The following CAMK4 variants were observed in gnomAD, a reference collection of about 807,000 sequenced individuals.
CAMK4 encodes calcium/calmodulin dependent protein kinase IV.
A neutral mutation model predicts 44.9 loss-of-function variants in CAMK4; 22 were observed. The observed-to-expected ratio is 0.49, with a 90% CI of 0.35 to 0.70. The LOEUF is 0.70. Ranked by LOEUF, CAMK4 falls within the 30% of genes least tolerant of loss-of-function variation. The probability of loss-of-function intolerance (pLI) is 0.01; values close to 1 mark genes in which losing one functional copy is unlikely to be tolerated. For missense variants in CAMK4, 498 were observed against 586.8 expected, an observed-to-expected ratio of 0.85 and a Z score of 1.56; for synonymous variants, 218 against 215.4, an observed-to-expected ratio of 1.01 and a Z score of -0.11.
At chr5:111,432,701 A>G (rs901233108) in intron 5 of CAMK4, among the ~76,000 whole-genome samples, 13 of 148,386 alleles carry the variant, frequency 8.8e-5, no homozygotes, top group African/African-American at 3.2e-4. Context: ...TATTTAAGAA[A>G]CATTTATTAA....
intron 1 of CAMK4, among the ~76,000 whole-genome samples, chr5:111,254,701 C>T (rs10478040): frequency 0.048 from 7,290 of 152,218 alleles, 200 homozygotes; most frequent in South Asian, 0.069. Flanking sequence ...CTCCCCCAGG[C>T]GAAGGAGTTG....
chr5:111,335,000 A>G (rs888992663), intron 1 of CAMK4, among the ~76,000 whole-genome samples: 15 of 151,498 alleles, frequency 9.9e-5, no homozygotes, highest in African/African-American at 3.6e-4. Context: ...TAACCTCAGC[A>G]AAGACACTTT....
At chr5:111,403,845 T>C (rs1255881025) in intron 5 of CAMK4, among the ~76,000 whole-genome samples, 1 of 152,194 alleles carries the variant, frequency 6.6e-6, no homozygotes, top group Non-Finnish European at 1.5e-5. Context: ...TTTTACCGAA[T>C]TCTGCCTACA....
At chr5:111,404,178 T>G (rs1752334227) in intron 5 of CAMK4, among the ~76,000 whole-genome samples, 1 of 152,194 alleles carries the variant, frequency 6.6e-6, no homozygotes. Context: ...ATGAAGACAG[T>G]CTTAACATAT....
intron 1 of CAMK4, among the ~76,000 whole-genome samples, chr5:111,315,565 G>T (rs554722350): frequency 6.6e-6 from 1 of 152,026 alleles, no homozygotes; most frequent in African/African-American, 2.4e-5. Flanking sequence ...TAATCATCAC[G>T]ACAATCTTAG....
intron 7 of CAMK4, among the ~76,000 whole-genome samples, chr5:111,462,352 TTA>T (rs1428664325): frequency 1.3e-5 from 2 of 152,232 alleles, no homozygotes; most frequent in Non-Finnish European, 2.9e-5. Context: ...TGTTTTTGAT[TTA>T]TGTCTACATC....
At chr5:111,460,285 T>TG (rs1754599401) in intron 7 of CAMK4, among the ~76,000 whole-genome samples, 1 of 144,814 alleles carries the variant, frequency 6.9e-6, no homozygotes, top group Admixed American at 6.9e-5. Flanking sequence ...TTTTTTTTTT[T>TG]GAGGCAGAGT....
intron 5 of CAMK4, among the ~76,000 whole-genome samples, chr5:111,444,245 C>G (rs1240550882): frequency 6.6e-6 from 1 of 152,152 alleles, no homozygotes; most frequent in Non-Finnish European, 1.5e-5. Flanking sequence ...GATTTCGTAG[C>G]CTCTTTGTGC....
At position 111,402,403 on chromosome 5, in the gene CAMK4, G is replaced by C. The variant is rs58564606; in HGVS notation, c.459+7621G>C. 1.6e-3 allele frequency among the ~76,000 whole-genome samples: 250 copies of C among 152,330 alleles called. 2 individuals carry two copies. Among genetic ancestry groups the C allele is most frequent in the African/African-American group, 5.6e-3 (234 of 41,572 alleles). On this transcript the variant is annotated intron_variant, in intron 5 of 10. Coordinates refer to ENST00000282356, the MANE Select transcript of CAMK4 (RefSeq NM_001744.6). Reference sequence around the variant, plus strand: ...CATAGTCTACTAAAGTGCATGAAATGGTTCTAGAGTTCAGTGAAATCGAAA... The same window carrying C: ...CATAGTCTACTAAAGTGCATGAAATCGTTCTAGAGTTCAGTGAAATCGAAA...
chr5:111,464,589 T>G (rs1754758392), intron 7 of CAMK4, among the ~76,000 whole-genome samples: 1 of 152,166 alleles, frequency 6.6e-6, no homozygotes, highest in African/African-American at 2.4e-5. Context: ...ATGTATTCTA[T>G]GGAAGTGGGC....
intron 7 of CAMK4, among the ~76,000 whole-genome samples, chr5:111,464,544 C>T (rs1423595409): frequency 1.3e-5 from 2 of 152,070 alleles, no homozygotes; most frequent in Non-Finnish European, 2.9e-5. Context: ...ATAAGGTTAT[C>T]TAAAGTCAAG....
chr5:111,283,380 G>T (rs530237164), intron 1 of CAMK4, among the ~76,000 whole-genome samples: 1 of 152,318 alleles, frequency 6.6e-6, no homozygotes, highest in African/African-American at 2.4e-5. Context: ...TTCACAGTCA[G>T]AGTTAAATTC....
intron 7 of CAMK4, among the ~76,000 whole-genome samples, chr5:111,456,163 T>C (rs796320648): frequency 6.6e-5 from 10 of 152,036 alleles, no homozygotes; most frequent in African/African-American, 2.4e-4. Flanking sequence ...AATTACTACA[T>C]CTCTGCCACA....
intron 1 of CAMK4, among the ~76,000 whole-genome samples, chr5:111,241,905 G>C (rs1749009456): frequency 6.6e-6 from 1 of 152,190 alleles, no homozygotes; most frequent in Admixed American, 6.5e-5. Flanking sequence ...AGTCAGGTCT[G>C]TTTCATCTTG....
At chr5:111,411,895 G>T (rs1309651848) in intron 5 of CAMK4, among the ~76,000 whole-genome samples, 1 of 152,038 alleles carries the variant, frequency 6.6e-6, no homozygotes, top group Non-Finnish European at 1.5e-5. Context: ...ACATTAAAAG[G>T]GTATGGAAGA....
chr5:111,389,734 T>C (rs1751733734), intron 4 of CAMK4, among the ~76,000 whole-genome samples: 1 of 152,298 alleles, frequency 6.6e-6, no homozygotes, highest in South Asian at 2.1e-4. Flanking sequence ...GGAGATAATA[T>C]AAGGTTGCAA....
At chr5:111,444,196 C>T (rs1753949854) in intron 5 of CAMK4, among the ~76,000 whole-genome samples, 1 of 152,204 alleles carries the variant, frequency 6.6e-6, no homozygotes, top group Admixed American at 6.5e-5. Context: ...ATGCCTGAGT[C>T]TGAATCCCAA....
At chr5:111,352,696 A>G (rs1159701282) in intron 2 of CAMK4, among the ~76,000 whole-genome samples, 4 of 151,448 alleles carry the variant, frequency 2.6e-5, no homozygotes, top group Admixed American at 2.6e-4. Flanking sequence ...AGAGGGGGAA[A>G]GAGAGAGAAA....
intron 1 of CAMK4, among the ~76,000 whole-genome samples, chr5:111,252,227 C>T (rs1286266997): frequency 6.6e-6 from 1 of 152,146 alleles, no homozygotes; most frequent in Non-Finnish European, 1.5e-5. Flanking sequence ...AGTCACTTGT[C>T]TTGGCTTCTT....
Sources: gnomAD v4.1 joint callset for allele counts (sites outside exome capture counted in the v4.1 genomes callset) on GRCh38, gnomAD v4.1.1 for gene constraint, MANE v1.5 for transcripts, NCBI Gene and HGNC (gene_info 2026-07-23, HGNC 2026-07-21) for gene names.